Variants in SDK1 observed in about 807,000 individuals in gnomAD.
SDK1 encodes the protein protein sidekick-1.
SDK1 carries 157 observed loss-of-function variants against 245.5 expected under a neutral mutation model. That is an observed-to-expected ratio of 0.64 (90% confidence interval 0.56 to 0.73). The LOEUF is 0.73. SDK1 is among the 30% of genes least tolerant of loss of function. SDK1 has a pLI of 0.00. For synonymous variants in SDK1, 1,647 were observed against 1,278.5 expected, an observed-to-expected ratio of 1.29 and a Z score of -6.15; for missense variants, 3,583 against 3,002.3, an observed-to-expected ratio of 1.19 and a Z score of -4.52.
chr7:3,437,100 C>G (rs1043892635), intron 1 of SDK1, among the ~76,000 whole-genome samples: 2 of 152,114 alleles, frequency 1.3e-5, no homozygotes, highest in East Asian at 1.9e-4. Context: ...CACTAAAAGA[C>G]GATTAATACA....
chr7:3,458,478 CT>C (rs1489440451), intron 1 of SDK1, among the ~76,000 whole-genome samples: 5 of 151,840 alleles, frequency 3.3e-5, no homozygotes, highest in African/African-American at 1.2e-4. Context: ...TTGTTTCCCT[CT>C]TTTATTGCTC....
At chr7:4,220,294 C>G (rs369460922) in intron 39 of SDK1, 24 bp downstream of exon 39, 52 of 1,603,222 alleles carry the variant, frequency 3.2e-5, no homozygotes, top group Middle Eastern at 3.5e-4. Flanking sequence ...CAGGGGCAGA[C>G]AATGTCAATT....
intron 7 of SDK1, among the ~76,000 whole-genome samples, chr7:3,954,033 C>G (rs1184371298): frequency 6.6e-6 from 1 of 152,154 alleles, no homozygotes; most frequent in East Asian, 1.9e-4. Context: ...TAGGAGCACA[C>G]AGGCCAAAGA....
chr7:3,884,061 TTTTTTGTTTG>T (rs1781274940), intron 5 of SDK1, among the ~76,000 whole-genome samples: 1 of 105,342 alleles, frequency 9.5e-6, no homozygotes, highest in African/African-American at 4.5e-5. Flanking sequence ...TGTTTGTTTG[TTTTTTGTTTG>T]TTTGTTTTTT....
chr7:3,882,189 G>T (rs1005448160), intron 5 of SDK1, among the ~76,000 whole-genome samples: 2 of 152,034 alleles, frequency 1.3e-5, no homozygotes, highest in African/African-American at 4.8e-5. Context: ...CCATGATTCA[G>T]TTATCTCCCA....
intron 1 of SDK1, among the ~76,000 whole-genome samples, chr7:3,333,948 C>G (rs1015007262): frequency 6.6e-6 from 1 of 152,200 alleles, no homozygotes; most frequent in Non-Finnish European, 1.5e-5. Context: ...TGTTGCTGCT[C>G]CACTGCTGGC....
intron 4 of SDK1, among the ~76,000 whole-genome samples, chr7:3,682,055 G>C (rs529647722): frequency 1.8e-4 from 27 of 152,330 alleles, no homozygotes; most frequent in Non-Finnish European, 2.9e-4. Flanking sequence ...ATCAGTTAAA[G>C]TAGTTGTTTA....
intron 28 of SDK1, among the ~76,000 whole-genome samples, chr7:4,138,394 A>C (rs1236491545): frequency 6.6e-6 from 1 of 152,202 alleles, no homozygotes; most frequent in Non-Finnish European, 1.5e-5. Context: ...TCGCAGAATG[A>C]AAAACTCATA....
chr7:3,338,484 G>T lies in SDK1; in HGVS notation c.298+36600G>T, dbSNP rs1780261006. On this transcript the variant is annotated intron_variant, in intron 1 of 44. Transcript: ENST00000404826. ...ATCAGAAAAAGAAGGAAGCCAAAGA[G>T]AAATGTACCAGGGTTCAGCTGAAGA... 8.0e-6 allele frequency: 4 copies of T among 501,168 alleles called. No homozygotes were observed. The Admixed American group carries it at 9.1e-5, about 11-fold the overall frequency. 31.0% of individuals were successfully genotyped at this position (501,168 alleles called of 1,614,324 possible). A position where few individuals can be genotyped will look rare whatever the true frequency, so the allele number is the denominator to read the frequency against.
At chr7:4,140,284 C>T (rs1779490881) in intron 28 of SDK1, among the ~76,000 whole-genome samples, 1 of 152,190 alleles carries the variant, frequency 6.6e-6, no homozygotes, top group Non-Finnish European at 1.5e-5. Context: ...TGACCTCTTT[C>T]CTGATGTTAC....
intron 1 of SDK1, among the ~76,000 whole-genome samples, chr7:3,401,598 C>T (rs1778888989): frequency 6.6e-6 from 1 of 152,108 alleles, no homozygotes; most frequent in Non-Finnish European, 1.5e-5. Flanking sequence ...ACTGAGCCAG[C>T]CGTAGTTCAC....
chr7:3,723,409 A>G (rs10233235), intron 4 of SDK1, among the ~76,000 whole-genome samples: 13,113 of 152,232 alleles, frequency 0.086, 653 homozygotes, highest in Middle Eastern at 0.14. Context: ...GGCTGCTACT[A>G]TATCTTGATG....
At chr7:4,222,128 C>CACCT (rs1785181887) in intron 40 of SDK1, among the ~76,000 whole-genome samples, 1 of 152,202 alleles carries the variant, frequency 6.6e-6, no homozygotes. Flanking sequence ...GCCAATCTGG[C>CACCT]AGGACCACGG....
At chr7:3,578,538 G>C (rs1296785858) in intron 1 of SDK1, among the ~76,000 whole-genome samples, 1 of 151,996 alleles carries the variant, frequency 6.6e-6, no homozygotes, top group African/African-American at 2.4e-5. Context: ...AAGCCTGAGA[G>C]TACTGCAGGA....
intron 22 of SDK1, among the ~76,000 whole-genome samples, chr7:4,098,363 C>T (rs1484891665): frequency 6.6e-6 from 1 of 152,114 alleles, no homozygotes; most frequent in East Asian, 1.9e-4. Flanking sequence ...CTCATATTTC[C>T]CCGTTCTTTC....
chr7:4,017,442 A>G (rs1016723499), intron 17 of SDK1, 90 bp downstream of exon 17: 34 of 1,198,494 alleles, frequency 2.8e-5, no homozygotes, highest in Non-Finnish European at 3.8e-5. Context: ...AGAAAGAAAA[A>G]CAGAGAATCC....
At chr7:3,842,183 C>T (rs1167657658) in intron 5 of SDK1, among the ~76,000 whole-genome samples, 1 of 152,198 alleles carries the variant, frequency 6.6e-6, no homozygotes, top group Admixed American at 6.5e-5. Flanking sequence ...ATGGAAGTCC[C>T]TTCAGTGGGC....
chr7:3,474,012 A>G (rs1378260141), intron 1 of SDK1, among the ~76,000 whole-genome samples: 1 of 149,928 alleles, frequency 6.7e-6, no homozygotes, highest in Non-Finnish European at 1.5e-5. Flanking sequence ...TTTAACCTGT[A>G]AAATGAGGGT....
chr7:4,076,923 C>T (rs1035258583), intron 20 of SDK1, 75 bp from the exon 21 acceptor site: 33 of 1,313,942 alleles, frequency 2.5e-5, no homozygotes, highest in African/African-American at 8.7e-5. Flanking sequence ...AAGCCTGCAA[C>T]GATGGTGCTG....
Sources: gnomAD v4.1 joint callset for allele counts (sites outside exome capture counted in the v4.1 genomes callset) on GRCh38, gnomAD v4.1.1 for gene constraint, MANE v1.5 for transcripts, NCBI Gene and HGNC (gene_info 2026-07-23, HGNC 2026-07-21) for gene names.